CEP85L: variants seen among roughly 807,000 people sequenced by gnomAD.
The protein encoded by CEP85L is centrosomal protein 85L.
CEP85L carries 60 observed loss-of-function variants against 100.3 expected under a neutral mutation model. That is an observed-to-expected ratio of 0.60 (90% CI 0.49 to 0.74). The LOEUF (loss-of-function observed/expected upper bound fraction) is 0.74. Ranked by LOEUF, CEP85L falls within the 30% of genes least tolerant of loss-of-function variation. The pLI is 0.00. For missense variants in CEP85L, 973 were observed against 936.2 expected (o/e 1.04, Z -0.51); for synonymous variants, 319 against 322.7 (o/e 0.99, Z 0.12).
At chr6:118,627,280 G>A (rs1436758631) in intron 2 of CEP85L, among the ~76,000 whole-genome samples, 1 of 148,054 alleles carries the variant, frequency 6.8e-6, no homozygotes, top group African/African-American at 2.5e-5. Flanking sequence ...GAAGAAAAAA[G>A]AAAACAGACA....
chr6:118,652,305 C>A, upstream of CEP85L: 1 of 747,212 alleles, frequency 1.3e-6, no homozygotes, highest in Non-Finnish European at 1.6e-6. Context: ...TCTTCCTCTT[C>A]TTGGCCAGTT....
rs113399671 is a variant in CEP85L, at chr6:118,605,819, T to C, written c.232+26634A>G. On this transcript the variant is annotated intron_variant, in intron 2 of 12. Transcript: ENST00000368491. ...CGAGGTCAGGAGATCGAGGCCATCC[T>C]GGCTAACACAGTGAAATCCCGTCTC... Among the ~76,000 whole-genome samples, 669 of 152,250 alleles carry C rather than the reference T, an allele frequency of 4.4e-3. 8 individuals are homozygous for C. Among genetic ancestry groups the C allele is most frequent in the African/African-American group, 0.016 (648 of 41,542 alleles).
At chr6:118,519,560 GT>G (rs1776524485) in intron 4 of CEP85L, among the ~76,000 whole-genome samples, 6 of 14,866 alleles carry the variant, frequency 4.0e-4, no homozygotes, top group South Asian at 3.6e-3. Flanking sequence ...GTGTGTGTGT[GT>G]GTGTGTGTGT....
At chr6:118,624,960 A>C (rs1182023956) in intron 2 of CEP85L, among the ~76,000 whole-genome samples, 2 of 152,242 alleles carry the variant, frequency 1.3e-5, no homozygotes, top group Non-Finnish European at 2.9e-5. Context: ...GGAATGCAGG[A>C]GGCCTCTCCT....
intron 1 of CEP85L, among the ~76,000 whole-genome samples, chr6:118,705,017 T>C (rs566419645): frequency 6.6e-6 from 1 of 152,110 alleles, no homozygotes; most frequent in African/African-American, 2.4e-5. Flanking sequence ...CCCAACCACA[T>C]CTGTTTTACT....
intron 2 of CEP85L, 57 bp from the exon 3 acceptor site, chr6:118,566,373 G>T: frequency 1.2e-5 from 17 of 1,377,788 alleles, no homozygotes; most frequent in Non-Finnish European, 1.7e-5. Context: ...AGAGAATGAG[G>T]TAAAATGCAA....
chr6:118,504,986 A>T (rs1200023379), intron 5 of CEP85L, among the ~76,000 whole-genome samples: 10 of 152,156 alleles, frequency 6.6e-5, no homozygotes, highest in Non-Finnish European at 7.3e-5. Context: ...GGCTTTACTC[A>T]TAATTGCCAA....
intron 2 of CEP85L, among the ~76,000 whole-genome samples, chr6:118,616,914 C>T (rs1468026480): frequency 2.0e-5 from 3 of 149,998 alleles, no homozygotes; most frequent in African/African-American, 4.9e-5. Flanking sequence ...CACTGCACTC[C>T]AGCCTGGGCA....
intron 5 of CEP85L, among the ~76,000 whole-genome samples, chr6:118,499,909 T>C (rs1271516530): frequency 6.6e-6 from 1 of 151,882 alleles, no homozygotes. Context: ...AAAGAGTACA[T>C]AAAAGGTATA....
chr6:118,476,208 A>C (rs1773358889), intron 10 of CEP85L, among the ~76,000 whole-genome samples: 1 of 152,014 alleles, frequency 6.6e-6, no homozygotes, highest in Non-Finnish European at 1.5e-5. Context: ...TTATGCAACT[A>C]TAACATGCAT....
intron 5 of CEP85L, among the ~76,000 whole-genome samples, chr6:118,494,880 G>C (rs1774819874): frequency 1.3e-5 from 2 of 152,204 alleles, no homozygotes; most frequent in South Asian, 2.1e-4. Flanking sequence ...TCAGACCAGG[G>C]ATTTTTGACA....
chr6:118,644,453 C>A (rs1219579298), intron 1 of CEP85L, among the ~76,000 whole-genome samples: 2 of 150,896 alleles, frequency 1.3e-5, no homozygotes, highest in Non-Finnish European at 2.9e-5. Flanking sequence ...CACCCAGCAA[C>A]CTCCCTACTG....
At chr6:118,577,366 A>G (rs1780302688) in intron 2 of CEP85L, among the ~76,000 whole-genome samples, 1 of 152,170 alleles carries the variant, frequency 6.6e-6, no homozygotes, top group South Asian at 2.1e-4. Flanking sequence ...GCATTTCATC[A>G]ACTAAGCAAA....
At chr6:118,598,390 A>G (rs1039525128) in intron 2 of CEP85L, among the ~76,000 whole-genome samples, 42 of 152,202 alleles carry the variant, frequency 2.8e-4, no homozygotes, top group African/African-American at 9.9e-4. Context: ...AACCCCTAGA[A>G]GCTGTGAATG....
chr6:118,651,330 T>G lies in CEP85L; in HGVS notation c.-61A>C. 3 of 1,390,908 alleles carry G rather than the reference T, an allele frequency of 2.2e-6. No individual in the cohort carries two copies. Among genetic ancestry groups the G allele is most frequent in the Non-Finnish European group, 2.8e-6 (3 of 1,073,394 alleles). The allele number at this position is 1,390,908 out of a possible 1,614,324, so 86.2% of individuals were successfully genotyped here. On this transcript the variant is annotated 5_prime_UTR_variant, in exon 1 of 13. Transcript: ENST00000368491. ...GACTCCTCACGTCCGTCCTCCTGCT[T>G]CTTCGGCGGCGGAAACTTGCGCGGA... is the stretch of plus-strand genomic sequence containing the variant.
chr6:118,592,547 C>T (rs1038288919), intron 2 of CEP85L, among the ~76,000 whole-genome samples: 15 of 151,864 alleles, frequency 9.9e-5, no homozygotes, highest in African/African-American at 3.1e-4. Context: ...TATCAGAGTC[C>T]TGAAAGTTTC....
intron 2 of CEP85L, among the ~76,000 whole-genome samples, chr6:118,574,766 G>C (rs1181049081): frequency 1.3e-5 from 2 of 152,174 alleles, no homozygotes; most frequent in South Asian, 2.1e-4. Flanking sequence ...TTGGTGGTGG[G>C]GACATCCTGG....
rs989352111 is a variant in CEP85L at position 118,567,292 on chromosome 6, T to C, written c.233-976A>G. 1.3e-4 allele frequency among the ~76,000 whole-genome samples: 18 copies of C among 140,806 alleles called. 2 individuals carry two copies. Among genetic ancestry groups the C allele is most frequent in the African/African-American group, 4.8e-4 (18 of 37,440 alleles). The allele number at this position is 140,806 out of a possible 152,430, so 92.4% of individuals were successfully genotyped here. On this transcript the variant is annotated intron_variant, in intron 2 of 12. Coordinates refer to ENST00000368491, the MANE Select transcript of CEP85L (RefSeq NM_001042475.3). ...ATATATATATATATATATATATCCA[T>C]ATTCACCCCAAGCTAGAACCTTAGA... is the stretch of plus-strand genomic sequence containing the variant.
intron 1 of CEP85L, among the ~76,000 whole-genome samples, chr6:118,690,026 T>C (rs1322319691): frequency 3.3e-5 from 5 of 152,024 alleles, no homozygotes; most frequent in African/African-American, 4.8e-5. Context: ...AATGCTGGAT[T>C]ACAGGCATGA....
Sources: allele counts gnomAD v4.1 joint callset (sites outside exome capture counted in the v4.1 genomes callset), GRCh38; gene constraint gnomAD v4.1.1; transcripts MANE v1.5; gene names NCBI Gene and HGNC (gene_info 2026-07-23, HGNC 2026-07-21).